The following PCDH15 variants were observed in gnomAD, a reference collection of about 807,000 sequenced individuals.
PCDH15 encodes protocadherin related 15.
Under a neutral mutation model 178.5 loss-of-function variants are expected in PCDH15, and 129 were observed. The ratio of observed to expected loss-of-function variants is 0.72; its 90% CI spans 0.63 to 0.84. The LOEUF (loss-of-function observed/expected upper bound fraction) is 0.84, where lower values mean the gene tolerates loss of function less well. PCDH15 is among the 40% of genes least tolerant of loss of function. The probability of loss-of-function intolerance (pLI) is 0.00; values close to 1 mark genes in which losing one functional copy is unlikely to be tolerated. For missense variants in PCDH15, 2,230 were observed against 2,099.9 expected, an observed-to-expected ratio of 1.06 and a Z score of -1.21; for synonymous variants, 800 against 732.0, an observed-to-expected ratio of 1.09 and a Z score of -1.50.
chr10:54,125,026 C>T (rs1163052185), intron 15 of PCDH15, among the ~76,000 whole-genome samples: 1 of 152,120 alleles, frequency 6.6e-6, no homozygotes, highest in Non-Finnish European at 1.5e-5. Context: ...CATTAAATTC[C>T]ATGGCTTCTT....
intron 3 of PCDH15, among the ~76,000 whole-genome samples, chr10:54,824,981 T>A (rs1050419988): frequency 1.3e-5 from 2 of 152,264 alleles, no homozygotes; most frequent in African/African-American, 4.8e-5. Flanking sequence ...CATTAACTCC[T>A]CATTTAGCAT....
intron 2 of PCDH15, among the ~76,000 whole-genome samples, chr10:55,608,044 G>A (rs989060067): frequency 1.3e-5 from 2 of 152,006 alleles, no homozygotes; most frequent in African/African-American, 4.8e-5. Context: ...CAGAACCTGA[G>A]TCTAGATCTG....
chr10:54,707,036 T>C (rs571876728), intron 1 of PCDH15, among the ~76,000 whole-genome samples: 1 of 152,314 alleles, frequency 6.6e-6, no homozygotes, highest in South Asian at 2.1e-4. Flanking sequence ...TCTAATAGGG[T>C]TTACACATGT....
chr10:54,684,403 T>C (rs1034676617), intron 1 of PCDH15, among the ~76,000 whole-genome samples: 3 of 152,080 alleles, frequency 2.0e-5, no homozygotes, highest in Admixed American at 2.0e-4. Flanking sequence ...TAGTTTACTA[T>C]TTGGATGTTT....
At chr10:54,090,778 C>T (rs1018530953) in intron 15 of PCDH15, among the ~76,000 whole-genome samples, 2 of 151,934 alleles carry the variant, frequency 1.3e-5, no homozygotes, top group African/African-American at 4.8e-5. Context: ...GTTAAAAATC[C>T]TGAATTTATA....
chr10:53,997,014 A>G (rs375665548), intron 20 of PCDH15, among the ~76,000 whole-genome samples: 1 of 152,270 alleles, frequency 6.6e-6, no homozygotes, highest in African/African-American at 2.4e-5. Context: ...TTTGCAAAGA[A>G]GTCAGAATAA....
At chr10:54,462,467 C>CCTCT (rs1565338569) in intron 3 of PCDH15, among the ~76,000 whole-genome samples, 2 of 138,420 alleles carry the variant, frequency 1.4e-5, no homozygotes, top group Admixed American at 7.4e-5. Context: ...ATTTGTTAAT[C>CCTCT]CTTTCTTTCT....
intron 3 of PCDH15, among the ~76,000 whole-genome samples, chr10:54,876,773 C>CA (rs1954152507): frequency 6.6e-6 from 1 of 152,020 alleles, no homozygotes; most frequent in African/African-American, 2.4e-5. Flanking sequence ...AAAGTAGTTT[C>CA]CTGAGATGGA....
At position 54,708,758 on chromosome 10, in the gene PCDH15, C is replaced by A. The variant is rs868764763; in HGVS notation, c.-28-44468G>T. On this transcript the variant is annotated intron_variant, in intron 1 of 37. Transcript: ENST00000644397. ...TGCAACCTTAAGGCTGTCAGAATCA[C>A]CCCAATGCAGGCCAGAATAACGTGT... is the stretch of plus-strand genomic sequence containing the variant. 2.6e-4 allele frequency among the ~76,000 whole-genome samples: 39 copies of A among 151,536 alleles called. 1 individual carries two copies. The highest frequency in any genetic ancestry group is 6.8e-3 in the Middle Eastern group (2 of 294).
chr10:54,845,776 G>A (rs971038472), intron 3 of PCDH15, among the ~76,000 whole-genome samples: 2 of 151,952 alleles, frequency 1.3e-5, no homozygotes, highest in Admixed American at 1.3e-4. Flanking sequence ...GAGACAGCTC[G>A]GGGAATGAAT....
At chr10:54,622,642 A>T (rs2093403734) in intron 2 of PCDH15, among the ~76,000 whole-genome samples, 1 of 98,442 alleles carries the variant, frequency 1.0e-5, no homozygotes, top group African/African-American at 4.7e-5. Context: ...ATATTATATA[A>T]TTATATATAT....
At chr10:54,057,947 C>T (rs2093932288) in intron 18 of PCDH15, among the ~76,000 whole-genome samples, 1 of 152,168 alleles carries the variant, frequency 6.6e-6, no homozygotes, top group Non-Finnish European at 1.5e-5. Flanking sequence ...GACCTTAACT[C>T]CAGTTCCCAA....
intron 18 of PCDH15, among the ~76,000 whole-genome samples, chr10:54,023,817 CTG>C (rs2093002132): frequency 6.6e-6 from 1 of 151,698 alleles, no homozygotes; most frequent in South Asian, 2.1e-4. Flanking sequence ...AATGAGAACA[CTG>C]TGGCTTATGG....
At chr10:55,001,684 T>C (rs932880671) in intron 2 of PCDH15, among the ~76,000 whole-genome samples, 5 of 152,126 alleles carry the variant, frequency 3.3e-5, no homozygotes, top group African/African-American at 1.2e-4. Context: ...GATCCCTGCC[T>C]GGCTCACCCT....
intron 3 of PCDH15, among the ~76,000 whole-genome samples, chr10:54,477,029 G>T (rs1040061340): frequency 2.0e-5 from 3 of 151,858 alleles, no homozygotes; most frequent in Non-Finnish European, 4.4e-5. Context: ...TCTCCTTAGT[G>T]CTACTGAGGG....
Position 54,792,490 on chromosome 10 carries a change from C to T in PCDH15, c.-29+8435G>A, listed in dbSNP as rs1951517281. On this transcript the variant is annotated intron_variant, in intron 1 of 37. Coordinates refer to ENST00000644397, the MANE Select transcript of PCDH15 (RefSeq NM_001384140.1). ...TGCCTGTAAAGGTGTTTCTGAATGA[C>T]ATTAACATTTGAATTGGTAAACTGA... Among the ~76,000 whole-genome samples, 4 of 152,052 alleles carry T rather than the reference C, an allele frequency of 2.6e-5. No individual in the cohort carries two copies. In the South Asian group the frequency reaches 8.3e-4, roughly 32 times the overall value.
chr10:55,214,538 T>C (rs1800543006), intron 1 of PCDH15, among the ~76,000 whole-genome samples: 1 of 151,208 alleles, frequency 6.6e-6, no homozygotes, highest in African/African-American at 2.4e-5. Context: ...TTAAATTCCT[T>C]GTTATCTGGT....
intron 2 of PCDH15, among the ~76,000 whole-genome samples, chr10:55,517,697 T>C (rs1306602679): frequency 1.3e-5 from 2 of 152,134 alleles, no homozygotes; most frequent in African/African-American, 2.4e-5. Flanking sequence ...AAAACCTGTA[T>C]ATAGATGTTT....
At chr10:54,418,690 G>T (rs1315163204) in intron 3 of PCDH15, among the ~76,000 whole-genome samples, 2 of 151,632 alleles carry the variant, frequency 1.3e-5, no homozygotes, top group African/African-American at 4.8e-5. Flanking sequence ...TATATTATTT[G>T]ATTTTTTAAA....
Sources: allele counts gnomAD v4.1 joint callset (sites outside exome capture counted in the v4.1 genomes callset), GRCh38; gene constraint gnomAD v4.1.1; transcripts MANE v1.5; gene names NCBI Gene and HGNC (gene_info 2026-07-23, HGNC 2026-07-21).